The following RTF1 variants were observed in gnomAD, a reference collection of about 807,000 sequenced individuals.
The protein encoded by RTF1 is RTF1 homolog, Paf1/RNA polymerase II complex component.
A neutral mutation model predicts 95.7 loss-of-function variants in RTF1; 10 were observed. That is an observed-to-expected ratio of 0.10 (90% CI 0.06 to 0.18). RTF1 has a LOEUF of 0.18. RTF1 is among the 10% of genes least tolerant of loss of function. The pLI is 1.00. For synonymous variants in RTF1, 305 were observed against 311.8 expected (o/e 0.98, Z 0.23); for missense variants, 458 against 875.6 (o/e 0.52, Z 6.02).
At chr15:41,467,177 G>A (rs2050884881) in intron 6 of RTF1, among the ~76,000 whole-genome samples, 2 of 152,152 alleles carry the variant, frequency 1.3e-5, no homozygotes, top group African/African-American at 2.4e-5. Flanking sequence ...CATGAGTTCA[G>A]CTGGAATTAT....
intron 1 of RTF1, 140 bp from the exon 2 acceptor site, chr15:41,438,181 T>C (rs906698612): frequency 2.0e-6 from 1 of 500,838 alleles, no homozygotes; most frequent in Non-Finnish European, 3.6e-6. Context: ...CTGTTCATGC[T>C]GATAGAAGTC....
At chr15:41,435,569 A>G (rs973263539) in intron 1 of RTF1, among the ~76,000 whole-genome samples, 1 of 152,182 alleles carries the variant, frequency 6.6e-6, no homozygotes, top group Admixed American at 6.6e-5. Context: ...AAAGCAGAGT[A>G]TGATTTCAGT....
intron 2 of RTF1, among the ~76,000 whole-genome samples, chr15:41,449,448 G>A (rs923362688): frequency 3.9e-5 from 6 of 152,002 alleles, no homozygotes; most frequent in African/African-American, 1.4e-4. Flanking sequence ...AGCCAGGATG[G>A]TGTCGATCTC....
intron 2 of RTF1, among the ~76,000 whole-genome samples, chr15:41,439,371 T>C (rs2050721461): frequency 6.6e-6 from 1 of 152,120 alleles, no homozygotes. Context: ...TTAATCTCAC[T>C]TTCAAGTTAG....
chr15:41,458,303 A>C (rs1331566542), intron 4 of RTF1, among the ~76,000 whole-genome samples: 3 of 152,170 alleles, frequency 2.0e-5, no homozygotes, highest in Non-Finnish European at 2.9e-5. Flanking sequence ...ATATGCACTA[A>C]ATACTAGTTG....
In RTF1 at chr15:41,417,190, A is replaced by G. The variant is rs1301788640; in HGVS notation, c.75A>G (p.Gln25=). 5.5e-6 allele frequency: 7 copies of G among 1,264,636 alleles called. No homozygotes were observed. The highest frequency in any genetic ancestry group is 2.5e-4 in the Middle Eastern group (1 of 3,952). The allele number at this position is 1,264,636 out of a possible 1,614,324, so 78.3% of individuals were successfully genotyped here. A position where few individuals can be genotyped will look rare whatever the true frequency, so the allele number is the denominator to read the frequency against. The change falls in exon 1 of 18, where the codon CAA becomes CAG. Residue 25 remains glutamine (Q), a synonymous_variant. Transcript: ENST00000389629. ...TGGCGGTCCCACTGGCAGGCGGGCA[A>G]GAGGGGAGTCCGGGCGGCGGCCGGC... The part of the protein sequence containing the change: ...AAVAVPLAGG[Q]EGSPGGGRRG...
At chr15:41,443,766 G>A (rs1456004875) in intron 2 of RTF1, among the ~76,000 whole-genome samples, 1 of 151,932 alleles carries the variant, frequency 6.6e-6, no homozygotes, top group Non-Finnish European at 1.5e-5. Context: ...GTAGCTAGAG[G>A]TGCAATAATA....
intron 1 of RTF1, among the ~76,000 whole-genome samples, chr15:41,433,936 C>G (rs532380041): frequency 1.3e-3 from 196 of 150,608 alleles, no homozygotes; most frequent in South Asian, 6.3e-3. Flanking sequence ...ACCTCTGCCT[C>G]CCAGGTTCAA....
At position 41,478,343 on chromosome 15, in the gene RTF1, A is replaced by G. The variant is rs2050952654; in HGVS notation, c.1741-205A>G. ...TTGAACCTGAGAGGCAGCAGATGCA[A>G]TGAGCTGAGATTGCGTCACTGCACT... On this transcript the variant is annotated intron_variant, in intron 14 of 17. Transcript: ENST00000389629. 3.8e-5 allele frequency: 20 copies of G among 524,862 alleles called. 1 individual carries two copies. In the South Asian group the frequency reaches 4.8e-4, roughly 13 times the overall value. 32.5% of individuals were successfully genotyped at this position (524,862 alleles called of 1,614,324 possible).
At chr15:41,430,825 C>T (rs1419714579) in intron 1 of RTF1, among the ~76,000 whole-genome samples, 1 of 152,176 alleles carries the variant, frequency 6.6e-6, no homozygotes, top group East Asian at 1.9e-4. Flanking sequence ...ATACAATCCT[C>T]AAGTTGTGGG....
At chr15:41,479,484 C>G (rs1041272420) in intron 16 of RTF1, among the ~76,000 whole-genome samples, 1 of 152,122 alleles carries the variant, frequency 6.6e-6, no homozygotes, top group East Asian at 1.9e-4. Context: ...TACTGTATAC[C>G]CTGCCAGCTT....
At chr15:41,452,775 A>T in intron 2 of RTF1, 126 bp from the exon 3 acceptor site, 1 of 711,820 alleles carries the variant, frequency 1.4e-6, no homozygotes, top group South Asian at 3.3e-5. Flanking sequence ...ATTTTTTTTC[A>T]TATGAAGTGT....
chr15:41,458,339 A>C (rs1389834584), intron 4 of RTF1, among the ~76,000 whole-genome samples: 2 of 152,210 alleles, frequency 1.3e-5, no homozygotes, highest in African/African-American at 4.8e-5. Flanking sequence ...AAACTTGCCC[A>C]AGGTGATTTA....
In RTF1 at chr15:41,427,245, G is replaced by A. The variant is rs369263148; in HGVS notation, c.198+9932G>A. ...CGGCTCACTGCAAGCTCCGCCTCCC[G>A]GGTTCACGCCATTCTCCTGCCTCAG... On this transcript the variant is annotated intron_variant, in intron 1 of 17. Transcript: ENST00000389629. Among the ~76,000 whole-genome samples, 25 of 148,016 alleles carry A rather than the reference G, an allele frequency of 1.7e-4. 2 individuals are homozygous for A. The South Asian group carries it at 4.6e-3, about 27-fold the overall frequency.
chr15:41,429,637 G>C (rs57712847), intron 1 of RTF1, among the ~76,000 whole-genome samples: 4,142 of 152,110 alleles, frequency 0.027, 79 homozygotes, highest in Middle Eastern at 0.082. Flanking sequence ...CTGCTTGCCT[G>C]CTAAACTTTA....
intron 8 of RTF1, among the ~76,000 whole-genome samples, chr15:41,471,679 A>G (rs2050912286): frequency 1.3e-5 from 2 of 152,258 alleles, no homozygotes; most frequent in South Asian, 4.1e-4. Context: ...TGAAAAACCA[A>G]TGAATGAAAA....
chr15:41,450,982 C>A (rs1436220227), intron 2 of RTF1, among the ~76,000 whole-genome samples: 1 of 151,890 alleles, frequency 6.6e-6, no homozygotes, highest in Non-Finnish European at 1.5e-5. Context: ...AAAATAGCAC[C>A]CTTTTACAAT....
chr15:41,444,408 C>T (rs1195802610), intron 2 of RTF1, among the ~76,000 whole-genome samples: 1 of 152,000 alleles, frequency 6.6e-6, no homozygotes, highest in East Asian at 1.9e-4. Context: ...ATTCTCCTGC[C>T]TCAGCCTCTC....
intron 2 of RTF1, among the ~76,000 whole-genome samples, chr15:41,447,285 T>C (rs1360056493): frequency 6.6e-6 from 1 of 152,158 alleles, no homozygotes; most frequent in Non-Finnish European, 1.5e-5. Context: ...CTTTCCTGCC[T>C]TCATCATGCT....
Sources: allele counts gnomAD v4.1 joint callset (sites outside exome capture counted in the v4.1 genomes callset), GRCh38; gene constraint gnomAD v4.1.1; transcripts MANE v1.5; gene names NCBI Gene and HGNC (gene_info 2026-07-23, HGNC 2026-07-21).